The following GULP1 variants were observed in gnomAD, a reference collection of about 807,000 sequenced individuals.
GULP1 encodes the protein PTB domain-containing engulfment adapter protein 1.
In GULP1, 19 loss-of-function variants were observed where a neutral mutation model predicts 40.9. That is an observed-to-expected ratio of 0.46 (90% CI 0.32 to 0.68). The LOEUF (loss-of-function observed/expected upper bound fraction) is 0.68, where lower values mean the gene tolerates loss of function less well. GULP1 is among the 30% of genes least tolerant of loss of function. The pLI is 0.03. For synonymous variants in GULP1, 119 were observed against 117.6 expected, an observed-to-expected ratio of 1.01 and a Z score of -0.08; for missense variants, 312 against 362.2, an observed-to-expected ratio of 0.86 and a Z score of 1.12.
chr2:188,366,143 G>A lies in GULP1; in HGVS notation c.-171-17620G>A, dbSNP rs1200460030. ...CAAGAAAAGACAGCATAGGAGAAGG[G>A]GGTATGGGGCAAAAGAAGGGCCTGT... is the stretch of plus-strand genomic sequence containing the variant. On this transcript the variant is annotated intron_variant, in intron 1 of 11. Transcript: ENST00000409830. Among the ~76,000 whole-genome samples the A allele has an allele frequency of 2.6e-5, 4 of 152,040 alleles. No homozygotes were observed. The East Asian group carries it at 7.8e-4, about 29-fold the overall frequency.
chr2:188,421,386 G>A (rs1306872136), intron 2 of GULP1, among the ~76,000 whole-genome samples: 2 of 152,004 alleles, frequency 1.3e-5, no homozygotes, highest in Admixed American at 6.6e-5. Context: ...GTGCATTCAT[G>A]TATGTATTCA....
intron 6 of GULP1, among the ~76,000 whole-genome samples, chr2:188,534,447 T>C (rs1688393565): frequency 1.3e-5 from 2 of 152,062 alleles, no homozygotes; most frequent in African/African-American, 4.8e-5. Context: ...TGGGTACTCA[T>C]GGACATAATG....
chr2:188,582,621 C>A, intron 9 of GULP1: 1 of 429,184 alleles, frequency 2.3e-6, no homozygotes, highest in Non-Finnish European at 4.9e-6. Context: ...TGCTTAAATT[C>A]TGCCAAAATG....
chr2:188,487,886 G>A (rs2062000725), intron 4 of GULP1, among the ~76,000 whole-genome samples: 1 of 151,850 alleles, frequency 6.6e-6, no homozygotes, highest in Non-Finnish European at 1.5e-5. Flanking sequence ...TTTCTAGTGT[G>A]GCTTTCTCAT....
chr2:188,587,435 T>C (rs1336692816), intron 10 of GULP1, among the ~76,000 whole-genome samples: 2 of 152,112 alleles, frequency 1.3e-5, no homozygotes, highest in Non-Finnish European at 2.9e-5. Flanking sequence ...GTCTACTTAG[T>C]CCTACATATT....
intron 7 of GULP1, among the ~76,000 whole-genome samples, chr2:188,566,072 T>C (rs966389440): frequency 2.6e-5 from 4 of 152,146 alleles, no homozygotes; most frequent in Non-Finnish European, 5.9e-5. Context: ...AAATATTCTT[T>C]ATTTTTAATA....
intron 7 of GULP1, among the ~76,000 whole-genome samples, chr2:188,557,429 C>G (rs2153398142): frequency 6.6e-6 from 1 of 152,316 alleles, no homozygotes; most frequent in Non-Finnish European, 1.5e-5. Flanking sequence ...AGGCCTCACA[C>G]AATCCCAAAA....
intron 4 of GULP1, among the ~76,000 whole-genome samples, chr2:188,518,889 A>C (rs2065451308): frequency 6.6e-6 from 1 of 152,198 alleles, no homozygotes; most frequent in Admixed American, 6.5e-5. Flanking sequence ...AGAGTCAGAC[A>C]AGGCAGAAAT....
chr2:188,482,205 G>A (rs2061495239), intron 3 of GULP1, among the ~76,000 whole-genome samples: 2 of 151,674 alleles, frequency 1.3e-5, no homozygotes, highest in South Asian at 4.1e-4. Context: ...TGAATACAGT[G>A]CATTATTATT....
chr2:188,365,768 G>A (rs2046699159), intron 1 of GULP1, among the ~76,000 whole-genome samples: 1 of 152,174 alleles, frequency 6.6e-6, no homozygotes, highest in Non-Finnish European at 1.5e-5. Flanking sequence ...AACATACAGA[G>A]ATTGCCTGAA....
chr2:188,439,039 T>C (rs2057692859), intron 2 of GULP1, among the ~76,000 whole-genome samples: 1 of 152,120 alleles, frequency 6.6e-6, no homozygotes, highest in Non-Finnish European at 1.5e-5. Flanking sequence ...TTTATCATTT[T>C]AAATTGTACT....
intron 1 of GULP1, among the ~76,000 whole-genome samples, chr2:188,334,104 G>C (rs571182817): frequency 1.3e-5 from 2 of 152,312 alleles, no homozygotes; most frequent in Non-Finnish European, 2.9e-5. Context: ...CCTGAGAGCA[G>C]TCTAACTCCC....
At chr2:188,585,419 T>C (rs1174973567) in intron 10 of GULP1, among the ~76,000 whole-genome samples, 1 of 152,202 alleles carries the variant, frequency 6.6e-6, no homozygotes, top group Non-Finnish European at 1.5e-5. Flanking sequence ...ATTGCCCTAG[T>C]AGAGGTTCTC....
chr2:188,430,685 T>G (rs997137773), intron 2 of GULP1, among the ~76,000 whole-genome samples: 1 of 152,198 alleles, frequency 6.6e-6, no homozygotes, highest in Non-Finnish European at 1.5e-5. Flanking sequence ...AGGCTGCCCA[T>G]AGAAACTAGA....
At chr2:188,533,214 A>C (rs1485076577) in intron 6 of GULP1, among the ~76,000 whole-genome samples, 2 of 152,196 alleles carry the variant, frequency 1.3e-5, no homozygotes, top group Non-Finnish European at 2.9e-5. Context: ...AAAATAGCGT[A>C]TGATACTGTA....
intron 2 of GULP1, among the ~76,000 whole-genome samples, chr2:188,460,752 T>C (rs2059635363): frequency 6.6e-6 from 1 of 152,116 alleles, no homozygotes; most frequent in South Asian, 2.1e-4. Flanking sequence ...AGGCTTTCAG[T>C]TTGTCTCCGT....
chr2:188,458,706 A>C (rs2059467540), intron 2 of GULP1, among the ~76,000 whole-genome samples: 1 of 152,116 alleles, frequency 6.6e-6, no homozygotes, highest in Admixed American at 6.6e-5. Flanking sequence ...TAGCTATTTA[A>C]CAAAATTAAC....
At chr2:188,337,436 G>A (rs923514649) in intron 1 of GULP1, among the ~76,000 whole-genome samples, 13 of 149,336 alleles carry the variant, frequency 8.7e-5, no homozygotes, top group Admixed American at 4.7e-4. Flanking sequence ...CACCGCGCCC[G>A]GCCCTCCAAC....
chr2:188,514,404 A>G (rs2064971597), intron 4 of GULP1, among the ~76,000 whole-genome samples: 1 of 152,142 alleles, frequency 6.6e-6, no homozygotes, highest in African/African-American at 2.4e-5. Flanking sequence ...TTAAAGTTGC[A>G]GTTTCAAAGA....
Sources: gnomAD v4.1 joint callset for allele counts (sites outside exome capture counted in the v4.1 genomes callset) on GRCh38, gnomAD v4.1.1 for gene constraint, MANE v1.5 for transcripts, NCBI Gene and HGNC (gene_info 2026-07-23, HGNC 2026-07-21) for gene names.